Variants in PKD1L3 observed in about 807,000 individuals in gnomAD.
PKD1L3 encodes the protein polycystin 1 like 3, transient receptor potential channel interacting.
A neutral mutation model predicts 184.1 loss-of-function variants in PKD1L3; 239 were observed. That is an observed-to-expected ratio of 1.30 (90% CI 1.17 to 1.45). PKD1L3 has a LOEUF of 1.45. PKD1L3 is among the 40% of genes most tolerant of loss of function. PKD1L3 has a pLI of 0.00. For missense variants in PKD1L3, 2,660 were observed against 2,067.2 expected (o/e 1.29, Z -5.56); for synonymous variants, 996 against 778.8 (o/e 1.28, Z -4.64).
chr16:71,976,843 G>A (rs8047848), intron 11 of PKD1L3, among the ~76,000 whole-genome samples: 7 of 151,614 alleles, frequency 4.6e-5, no homozygotes, highest in Non-Finnish European at 7.4e-5. Context: ...CCCAGGTTCA[G>A]GACATTTTCC....
chr16:71,990,988 G>A (rs752204021), intron 3 of PKD1L3, among the ~76,000 whole-genome samples: 13 of 152,208 alleles, frequency 8.5e-5, no homozygotes, highest in Non-Finnish European at 1.8e-4. Context: ...ATCAGCTTAT[G>A]AGTGAAGAAC....
intron 11 of PKD1L3, among the ~76,000 whole-genome samples, chr16:71,975,061 T>G (rs1281261841): frequency 6.6e-6 from 1 of 152,076 alleles, no homozygotes; most frequent in Non-Finnish European, 1.5e-5. Flanking sequence ...ATATCAGGAA[T>G]TTTTATTTTT....
intron 24 of PKD1L3, among the ~76,000 whole-genome samples, chr16:71,941,950 T>G (rs2038376821): frequency 6.6e-6 from 1 of 151,888 alleles, no homozygotes; most frequent in South Asian, 2.1e-4. Flanking sequence ...GGTTGGGGAC[T>G]GGGAATCAGC....
At chr16:71,972,805 G>T (rs2039768304) in intron 12 of PKD1L3, among the ~76,000 whole-genome samples, 1 of 152,132 alleles carries the variant, frequency 6.6e-6, no homozygotes, top group Non-Finnish European at 1.5e-5. Flanking sequence ...AACCAAACCA[G>T]GACTTTCATC....
chr16:71,966,941 C>T (rs1597335063), intron 15 of PKD1L3, among the ~76,000 whole-genome samples, 196 bp downstream of exon 15: 1 of 151,800 alleles, frequency 6.6e-6, no homozygotes, highest in South Asian at 2.1e-4. Flanking sequence ...TTCTACTATC[C>T]AAAAAAAATC....
intron 6 of PKD1L3, 36 bp downstream of exon 6, chr16:71,984,000 T>C (rs1597365526): frequency 2.6e-6 from 4 of 1,549,420 alleles, no homozygotes; most frequent in Non-Finnish European, 3.5e-6. Context: ...TTTCCCTCTC[T>C]CCTACCTTCT....
chr16:71,962,574 C>A (rs2039323691), intron 16 of PKD1L3, among the ~76,000 whole-genome samples: 1 of 152,124 alleles, frequency 6.6e-6, no homozygotes, highest in Non-Finnish European at 1.5e-5. Flanking sequence ...GCAACCTCTG[C>A]CTCCCAGGTT....
At chr16:71,932,483 C>CTTTT (rs35193011) in intron 28 of PKD1L3, among the ~76,000 whole-genome samples, 1 of 150,200 alleles carries the variant, frequency 6.7e-6, no homozygotes, top group African/African-American at 2.4e-5. Context: ...CATTATGTCA[C>CTTTT]TTTTTTTTTT....
Position 71,931,643 on chromosome 16 carries a change from T to C in PKD1L3, c.4927-1460A>G, listed in dbSNP as rs1177906205. 2.0e-5 allele frequency among the ~76,000 whole-genome samples: 3 copies of C among 151,988 alleles called. No homozygotes were observed. In the South Asian group the frequency reaches 6.2e-4, roughly 31 times the overall value. On this transcript the variant is annotated intron_variant, in intron 28 of 29. Transcript: ENST00000620267. ...CCATGCCTGGCTAATTTTTGTATTTTAGTAGAGACGGGATTTTACCATGTT... is the reference window on the plus strand; with the variant it reads ...CCATGCCTGGCTAATTTTTGTATTTCAGTAGAGACGGGATTTTACCATGTT...
intron 16 of PKD1L3, among the ~76,000 whole-genome samples, chr16:71,959,981 C>T (rs1597323401): frequency 6.6e-6 from 1 of 152,006 alleles, no homozygotes; most frequent in Non-Finnish European, 1.5e-5. Flanking sequence ...ATTAGCCAGG[C>T]ATGGTGGCAC....
intron 6 of PKD1L3, 49 bp downstream of exon 6, chr16:71,983,987 G>A (rs373015507): frequency 1.1e-4 from 176 of 1,541,322 alleles, no homozygotes; most frequent in African/African-American, 2.3e-4. Context: ...TCTGTTTTCC[G>A]CTTTTCCCTC....
At chr16:71,996,354 C>T (rs375928953) in intron 2 of PKD1L3, among the ~76,000 whole-genome samples, 8 of 147,934 alleles carry the variant, frequency 5.4e-5, no homozygotes, top group Non-Finnish European at 5.9e-5. Context: ...CTCCGCCTCC[C>T]GGTTCAAGCG....
chr16:71,948,601 T>C (rs2038707956), intron 21 of PKD1L3, among the ~76,000 whole-genome samples: 1 of 152,156 alleles, frequency 6.6e-6, no homozygotes, highest in Non-Finnish European at 1.5e-5. Flanking sequence ...TGTCACTACA[T>C]ATTGCCAGAT....
At chr16:71,933,840 C>T (rs1419460508) in intron 27 of PKD1L3, 75 bp downstream of exon 27, 7 of 1,484,980 alleles carry the variant, frequency 4.7e-6, no homozygotes, top group Non-Finnish European at 6.4e-6. Context: ...TGTGTTGTGA[C>T]CATTTCTATG....
At chr16:71,943,189 A>C (rs1217137968) in intron 23 of PKD1L3, among the ~76,000 whole-genome samples, 165 bp from the exon 24 acceptor site, 1 of 152,042 alleles carries the variant, frequency 6.6e-6, no homozygotes. Flanking sequence ...ATACATACAC[A>C]TTTCCTTCCC....
rs781392362 is a variant in PKD1L3, at chr16:71,979,781, C to T, written c.1398+5G>A. 52 of 1,488,012 alleles carry T rather than the reference C, an allele frequency of 3.5e-5. No homozygotes were observed. The highest frequency in any genetic ancestry group is 2.6e-4 in the Admixed American group (9 of 35,216). 92.2% of individuals were successfully genotyped at this position (1,488,012 alleles called of 1,614,324 possible). On this transcript the variant is annotated splice_donor_5th_base_variant and intron_variant, in intron 9 of 29. Coordinates refer to ENST00000620267, the MANE Select transcript of PKD1L3 (RefSeq NM_181536.2). ...CATTCTGATCACAATCAATTTCACA[C>T]TCACTTGGACATTAACTCCTGGATG...
At chr16:71,962,850 T>G (rs1369818721) in intron 16 of PKD1L3, among the ~76,000 whole-genome samples, 1 of 152,196 alleles carries the variant, frequency 6.6e-6, no homozygotes, top group Non-Finnish European at 1.5e-5. Flanking sequence ...TTTTATATTT[T>G]GTTCTCATAA....
intron 2 of PKD1L3, among the ~76,000 whole-genome samples, chr16:71,997,561 C>A (rs1266197614): frequency 6.6e-6 from 1 of 152,026 alleles, no homozygotes; most frequent in Non-Finnish European, 1.5e-5. Flanking sequence ...CTGGCCTGAC[C>A]AACATGGAGA....
rs1429198949 is a variant in PKD1L3 at position 71,982,219 on chromosome 16, G to C, written c.983C>G (p.Ser328Cys). ...SKPAQVNLIN[S>C]LIYLSEELLR... Reference sequence around the variant, plus strand: ...TAACTCCTCACTCAGGTAAATAAGGGAATTGATGAGATTAACCTGGGAGGA... The same window carrying C: ...TAACTCCTCACTCAGGTAAATAAGGCAATTGATGAGATTAACCTGGGAGGA... Residue 328 changes from serine to cysteine, a missense_variant, in exon 7 of 30, where the codon TCC becomes TGC. Physicochemically the swap from Ser to Cys is moderately radical, Grantham distance 112 (BLOSUM62 -1). Transcript: ENST00000620267. The C allele has an allele frequency of 6.5e-7, 1 of 1,534,672 alleles. No individual in the cohort carries two copies. Among genetic ancestry groups the C allele is most frequent in the Non-Finnish European group, 8.8e-7 (1 of 1,138,286 alleles).
Sources: gnomAD v4.1 joint callset for allele counts (sites outside exome capture counted in the v4.1 genomes callset) on GRCh38, gnomAD v4.1.1 for gene constraint, MANE v1.5 for transcripts, NCBI Gene and HGNC (gene_info 2026-07-23, HGNC 2026-07-21) for gene names.